LACRT: variants seen among roughly 807,000 people sequenced by gnomAD.
The protein encoded by LACRT is extracellular glycoprotein lacritin.
Under a neutral mutation model 14.5 loss-of-function variants are expected in LACRT, and 14 were observed. The ratio of observed to expected loss-of-function variants is 0.96; its 90% CI spans 0.64 to 1.51. The LOEUF is 1.51. LACRT is among the 40% of genes most tolerant of loss of function. LACRT has a pLI of 0.00. For missense variants in LACRT, 156 were observed against 161.8 expected (o/e 0.96, Z 0.19); for synonymous variants, 70 against 63.5 (o/e 1.10, Z -0.48).
chr12:54,633,160 G>T lies in LACRT; in HGVS notation c.112+20C>A, dbSNP rs1050596837. 4.3e-6 allele frequency: 7 copies of T among 1,612,850 alleles called. No homozygotes were observed. In the African/African-American group the frequency reaches 9.3e-5, roughly 22 times the overall value. On this transcript the variant is annotated intron_variant, in intron 2 of 4. Transcript: ENST00000257867. ...AACCTTCCCAACGAGGGCTAGGGCA[G>T]CAGGGAGAGGAGGACTCACAGGTCC...
At chr12:54,634,156 C>A (rs991753231) in intron 1 of LACRT, among the ~76,000 whole-genome samples, 1 of 152,070 alleles carries the variant, frequency 6.6e-6, no homozygotes, top group African/African-American at 2.4e-5. Flanking sequence ...AGTTCGAGAC[C>A]AACCTGGCCA....
At chr12:54,632,790 T>C (rs566065761) in intron 2 of LACRT, among the ~76,000 whole-genome samples, 15 of 152,118 alleles carry the variant, frequency 9.9e-5, no homozygotes, top group African/African-American at 3.6e-4. Flanking sequence ...TCATGGAAAA[T>C]GGGGTTGGAA....
chr12:54,633,746 G>C (rs1185471889), intron 1 of LACRT, among the ~76,000 whole-genome samples: 1 of 152,210 alleles, frequency 6.6e-6, no homozygotes, highest in Non-Finnish European at 1.5e-5. Context: ...CCCTGACAGA[G>C]CTTACATCTG....
rs750292395 is a variant in LACRT, at chr12:54,630,858, C to T, written c.*34G>A. ...CTCTGGGCTACAAGGGTATTTAAGG[C>T]TTTAAGTCCAATGATCCCATTCTTT... On this transcript the variant is annotated 3_prime_UTR_variant, in exon 5 of 5. Transcript: ENST00000257867. The T allele has an allele frequency of 2.7e-6, 4 of 1,496,576 alleles. No individual in the cohort carries two copies. The South Asian group carries it at 4.5e-5, about 17-fold the overall frequency. The allele number at this position is 1,496,576 out of a possible 1,614,324, so 92.7% of individuals were successfully genotyped here.
chr12:54,634,778 A>G lies in LACRT; in HGVS notation c.58+6T>C. On this transcript the variant is annotated splice_donor_region_variant and intron_variant, in intron 1 of 4. Coordinates refer to ENST00000257867, the MANE Select transcript of LACRT (RefSeq NM_033277.2). The stretch of plus-strand genomic sequence containing the variant: ...TTGTGGGGCGCAGAGGAAAGGCCAT[A>G]CTCACCAGCATAGACCAGGGCCCCT... 1 of 1,613,188 alleles carries G rather than the reference A, an allele frequency of 6.2e-7. No individual in the cohort carries two copies. The highest frequency in any genetic ancestry group is 1.3e-5 in the African/African-American group (1 of 74,944).
chr12:54,632,460 T>C, intron 2 of LACRT, 79 bp from the exon 3 acceptor site: 1 of 1,526,592 alleles, frequency 6.6e-7, no homozygotes, highest in Non-Finnish European at 9.0e-7. Context: ...GGCCCCAGGA[T>C]ACCTAATGTG....
At position 54,633,250 on chromosome 12, in the gene LACRT, A is replaced by C. The variant is rs762299700; in HGVS notation, c.59-17T>G. On this transcript the variant is annotated splice_polypyrimidine_tract_variant and intron_variant, in intron 1 of 4. Transcript: ENST00000257867. ...AGGCATCTTCTGCAATGGGGGAAAC[A>C]TGCCAGATGAGAGCAAGGACCGAAC... is the stretch of plus-strand genomic sequence containing the variant. The C allele has an allele frequency of 6.2e-7, 1 of 1,612,968 alleles. No homozygotes were observed. The highest frequency in any genetic ancestry group is 1.1e-5 in the South Asian group (1 of 90,986).
chr12:54,634,683 C>T, intron 1 of LACRT, 101 bp downstream of exon 1: 1 of 1,147,244 alleles, frequency 8.7e-7, no homozygotes, highest in Middle Eastern at 2.7e-4. Flanking sequence ...GCAGGGAAAC[C>T]AGAATAGCAC....
intron 4 of LACRT, 148 bp downstream of exon 4, chr12:54,631,590 G>A (rs1222430092): frequency 1.5e-6 from 1 of 660,754 alleles, no homozygotes; most frequent in Non-Finnish European, 2.7e-6. Context: ...AGCACAAAGT[G>A]AGGGGTCTTC....
intron 1 of LACRT, among the ~76,000 whole-genome samples, chr12:54,634,320 C>G (rs1958173597): frequency 6.7e-6 from 1 of 148,476 alleles, no homozygotes; most frequent in Non-Finnish European, 1.5e-5. Flanking sequence ...CCACTGCACT[C>G]CAGCCTGGGC....
At position 54,630,910 on chromosome 12, in the gene LACRT, T is replaced by A. The variant is rs781747453; in HGVS notation, c.399A>T (p.Leu133=). The A allele has an allele frequency of 6.2e-7, 1 of 1,611,050 alleles. No homozygotes were observed. The highest frequency in any genetic ancestry group is 1.1e-5 in the South Asian group (1 of 91,026). Residue 133 remains leucine (L), a synonymous_variant, in exon 5 of 5, where the codon CTA becomes CTT. Coordinates refer to ENST00000257867, the MANE Select transcript of LACRT (RefSeq NM_033277.2). ...CAGCTTCTCATGCCCATGGTTTTAA[T>A]AGACTGAATTTCTTCAGTAATTTTT... ...FAQKLLKKFS[L]LKPWA
At position 54,630,960 on chromosome 12, in the gene LACRT, G is replaced by A. The variant is rs1263805645; in HGVS notation, c.356-7C>T. 10 of 1,600,846 alleles carry A rather than the reference G, an allele frequency of 6.2e-6. No individual in the cohort carries two copies. Among genetic ancestry groups the A allele is most frequent in the East Asian group, 2.2e-5 (1 of 44,772 alleles). On this transcript the variant is annotated splice_polypyrimidine_tract_variant and splice_region_variant and intron_variant, in intron 4 of 4. Coordinates refer to ENST00000257867, the MANE Select transcript of LACRT (RefSeq NM_033277.2). Reference sequence around the variant, plus strand: ...TGTGCAAATTCACTTCCATCTAGAAGGAAAGATGAGACAAATGAGGCTTTT... The same window carrying A: ...TGTGCAAATTCACTTCCATCTAGAAAGAAAGATGAGACAAATGAGGCTTTT...
chr12:54,631,208 G>C (rs1487544871), intron 4 of LACRT, among the ~76,000 whole-genome samples: 1 of 152,214 alleles, frequency 6.6e-6, no homozygotes, highest in Non-Finnish European at 1.5e-5. Flanking sequence ...TTAGACCCCA[G>C]GTGAATCAAT....
At chr12:54,634,351 CA>C (rs10561513) in intron 1 of LACRT, among the ~76,000 whole-genome samples, 45,484 of 94,976 alleles carry the variant, frequency 0.48, 8,103 homozygotes, top group African/African-American at 0.54. Flanking sequence ...GACTCGGTCT[CA>C]AAAAAAAAAA....
rs1958177336 is a variant in LACRT, at chr12:54,634,802, C to T, written c.40G>A (p.Gly14Arg). 2 of 1,613,796 alleles carry T rather than the reference C, an allele frequency of 1.2e-6. No homozygotes were observed. The highest frequency in any genetic ancestry group is 2.7e-5 in the African/African-American group (2 of 74,884). Residue 14 changes from glycine (G) to arginine (R), a missense_variant, in exon 1 of 5, where the codon GGG becomes AGG. Gly to Arg is a moderately radical substitution (Grantham distance 125). Transcript: ENST00000257867. ...TACTCACCAGCATAGACCAGGGCCC[C>T]TGCTACAGCTGCCAAGAAGAGGAGA... ...TTLLFLAAVAGALVYAEDASS... is the reference protein window; with the variant it reads ...TTLLFLAAVARALVYAEDASS...
intron 3 of LACRT, 160 bp downstream of exon 3, chr12:54,632,081 G>T (rs2121270257): frequency 1.3e-6 from 1 of 781,714 alleles, no homozygotes; most frequent in Non-Finnish European, 2.1e-6. Flanking sequence ...TGAAAACGTT[G>T]TGTGTGGGTG....
In LACRT at chr12:54,633,253, C is replaced by T. The variant is rs773290688; in HGVS notation, c.59-20G>A. 6.2e-7 allele frequency: 1 copy of T among 1,612,146 alleles called. No individual in the cohort carries two copies. Among genetic ancestry groups the T allele is most frequent in the Non-Finnish European group, 8.5e-7 (1 of 1,178,752 alleles). ...CATCTTCTGCAATGGGGGAAACATG[C>T]CAGATGAGAGCAAGGACCGAACCGG... On this transcript the variant is annotated intron_variant, in intron 1 of 4. Transcript: ENST00000257867.
Position 54,631,834 on chromosome 12 carries a change from TG to T in LACRT, c.258del (p.Ile87Ter). 1.2e-6 allele frequency: 2 copies of T among 1,610,666 alleles called. No homozygotes were observed. Among genetic ancestry groups the T allele is most frequent in the South Asian group, 2.2e-5 (2 of 90,990 alleles). On this transcript the variant is annotated frameshift_variant, in exon 4 of 5. Transcript: ENST00000257867. LOFTEE classifies it high-confidence loss of function. The stretch of plus-strand genomic sequence containing the variant: ...GTTAGTAAGATACTTTTCTCCACTA[TG>T]GATTCTAATTTTGGAGCAGAACAAT... ...SSRQELNPLK[S>X]IVEKSILLTE...
intron 2 of LACRT, among the ~76,000 whole-genome samples, 160 bp from the exon 3 acceptor site, chr12:54,632,541 T>C (rs1958159883): frequency 6.6e-6 from 1 of 152,204 alleles, no homozygotes; most frequent in African/African-American, 2.4e-5. Context: ...CATTTCTGCA[T>C]GCTGTGTGTC....
Sources: allele counts gnomAD v4.1 joint callset (sites outside exome capture counted in the v4.1 genomes callset), GRCh38; gene constraint gnomAD v4.1.1; transcripts MANE v1.5; gene names NCBI Gene and HGNC (gene_info 2026-07-23, HGNC 2026-07-21).